SDC2: variants seen among roughly 807,000 people sequenced by gnomAD.
SDC2 encodes the protein syndecan-2.
Under a neutral mutation model 22.2 loss-of-function variants are expected in SDC2, and 13 were observed. The ratio of observed to expected loss-of-function variants is 0.59; its 90% CI spans 0.38 to 0.93. The LOEUF is 0.93. Among genes scored for constraint, SDC2 ranks in the 40% least tolerant of loss-of-function variants. SDC2 has a pLI of 0.00. For synonymous variants in SDC2, 94 were observed against 92.8 expected, an observed-to-expected ratio of 1.01 and a Z score of -0.07; for missense variants, 235 against 246.8, an observed-to-expected ratio of 0.95 and a Z score of 0.32.
At chr8:96,508,006 A>G (rs372157630) in intron 1 of SDC2, among the ~76,000 whole-genome samples, 2 of 150,742 alleles carry the variant, frequency 1.3e-5, no homozygotes, top group East Asian at 3.9e-4. Flanking sequence ...TACTAAAAAT[A>G]CAAAAATAGG....
chr8:96,544,338 G>A (rs902988160), intron 1 of SDC2, among the ~76,000 whole-genome samples: 5 of 152,096 alleles, frequency 3.3e-5, no homozygotes, highest in Non-Finnish European at 5.9e-5. Context: ...CTCAGTTGCC[G>A]TCTCAGTACA....
chr8:96,527,445 C>T lies in SDC2; in HGVS notation c.60+33114C>T, dbSNP rs888456845. Among the ~76,000 whole-genome samples the T allele has an allele frequency of 2.8e-4, 42 of 152,160 alleles. 1 individual carries two copies. Among genetic ancestry groups the T allele is most frequent in the Admixed American group, 1.0e-3 (16 of 15,284 alleles). ...CTTGCACAGTTCTCTCTCTCTCTGCCCCTAAAACAGAAATATGATCATGTT... is the reference window on the plus strand; with the variant it reads ...CTTGCACAGTTCTCTCTCTCTCTGCTCCTAAAACAGAAATATGATCATGTT... On this transcript the variant is annotated intron_variant, in intron 1 of 4. Transcript: ENST00000302190.
At chr8:96,536,689 A>G (rs1813760590) in intron 1 of SDC2, among the ~76,000 whole-genome samples, 1 of 152,226 alleles carries the variant, frequency 6.6e-6, no homozygotes, top group Non-Finnish European at 1.5e-5. Context: ...ATGTAGCAAC[A>G]GTCAGCAAGG....
At chr8:96,525,917 A>G (rs1220435536) in intron 1 of SDC2, among the ~76,000 whole-genome samples, 1 of 152,108 alleles carries the variant, frequency 6.6e-6, no homozygotes, top group Admixed American at 6.5e-5. Context: ...CTTTCCACAC[A>G]TTGTCAGGGT....
chr8:96,607,517 C>T (rs1157811488), intron 3 of SDC2, among the ~76,000 whole-genome samples: 2 of 152,170 alleles, frequency 1.3e-5, no homozygotes, highest in African/African-American at 2.4e-5. Context: ...TGATCTGATT[C>T]AGCAGTGAAT....
chr8:96,595,500 G>T (rs1277948770), intron 2 of SDC2, among the ~76,000 whole-genome samples: 2 of 146,714 alleles, frequency 1.4e-5, no homozygotes, highest in South Asian at 2.3e-4. Context: ...TTCACTCATG[G>T]CACCTCTTTT....
chr8:96,604,726 T>C (rs988254357), intron 3 of SDC2, among the ~76,000 whole-genome samples: 1 of 152,316 alleles, frequency 6.6e-6, no homozygotes, highest in Non-Finnish European at 1.5e-5. Flanking sequence ...GCATCACTCA[T>C]AAGCTTTTAC....
intron 1 of SDC2, among the ~76,000 whole-genome samples, chr8:96,497,145 C>T (rs574718028): frequency 6.6e-6 from 1 of 150,440 alleles, no homozygotes; most frequent in African/African-American, 2.4e-5. Flanking sequence ...AAGAAACTGT[C>T]AAGTCATTTG....
intron 1 of SDC2, among the ~76,000 whole-genome samples, chr8:96,534,045 G>A (rs1197574800): frequency 6.6e-6 from 1 of 152,206 alleles, no homozygotes; most frequent in East Asian, 1.9e-4. Flanking sequence ...CGCTGCTGCT[G>A]GCCCGGGTGT....
rs1813002561 is a variant in SDC2, at chr8:96,493,924, CTG to C, written c.-347_-346del. The C allele has an allele frequency of 3.2e-6, 1 of 313,044 alleles. No homozygotes were observed. Among genetic ancestry groups the C allele is most frequent in the South Asian group, 6.2e-5 (1 of 16,218 alleles). The allele number at this position is 313,044 out of a possible 1,614,324, so 19.4% of individuals were successfully genotyped here. ...CGAATTTATTCCTTAAAACCAGAAA[CTG>C]AACCTCGGCACGGGAAAGGAGTCCG... is the stretch of plus-strand genomic sequence containing the variant. On this transcript the variant is annotated 5_prime_UTR_variant, in exon 1 of 5. Transcript: ENST00000302190.
intron 1 of SDC2, among the ~76,000 whole-genome samples, chr8:96,585,668 C>G (rs1359946361): frequency 6.6e-6 from 1 of 152,132 alleles, no homozygotes; most frequent in Non-Finnish European, 1.5e-5. Flanking sequence ...ATTTACCCAA[C>G]AAACCACTTA....
At chr8:96,577,014 G>A (rs1361191423) in intron 1 of SDC2, among the ~76,000 whole-genome samples, 2 of 152,184 alleles carry the variant, frequency 1.3e-5, no homozygotes, top group Non-Finnish European at 2.9e-5. Flanking sequence ...TGGAACGGTG[G>A]TGCAACTCAT....
At chr8:96,520,553 T>G (rs1474447611) in intron 1 of SDC2, among the ~76,000 whole-genome samples, 1 of 152,186 alleles carries the variant, frequency 6.6e-6, no homozygotes, top group African/African-American at 2.4e-5. Context: ...ACAGGGTGTG[T>G]GCTTATGTTT....
rs1481198542 is a variant in SDC2 at position 96,576,368 on chromosome 8, G to GTTTTTTT, written c.61-17107_61-17106insTTTTTTT. ...ACATAAGTTCAATAATTGGTAGTTT[G>GTTTTTTT]TTTTTGTTTTGTTTTGTTTTTTTTT... On this transcript the variant is annotated intron_variant, in intron 1 of 4. Coordinates refer to ENST00000302190, the MANE Select transcript of SDC2 (RefSeq NM_002998.4). 3.9e-3 allele frequency among the ~76,000 whole-genome samples: 64 copies of GTTTTTTT among 16,588 alleles called. 4 individuals are homozygous for GTTTTTTT. The highest frequency in any genetic ancestry group is 5.2e-3 in the Non-Finnish European group (18 of 3,458). The allele number at this position is 16,588 out of a possible 152,430, so 10.9% of individuals were successfully genotyped here. A position where few individuals can be genotyped will look rare whatever the true frequency, so the allele number is the denominator to read the frequency against.
chr8:96,548,821 C>T (rs1000589033), intron 1 of SDC2, among the ~76,000 whole-genome samples: 5 of 152,252 alleles, frequency 3.3e-5, no homozygotes, highest in African/African-American at 9.6e-5. Flanking sequence ...GAATTTGCAG[C>T]ATTGAGGGTC....
chr8:96,502,770 A>C (rs918787992), intron 1 of SDC2, among the ~76,000 whole-genome samples: 4 of 152,188 alleles, frequency 2.6e-5, no homozygotes, highest in Non-Finnish European at 5.9e-5. Flanking sequence ...CATCTGTAAA[A>C]CTGAATATCC....
intron 1 of SDC2, among the ~76,000 whole-genome samples, chr8:96,513,934 G>A (rs1813365214): frequency 6.6e-6 from 1 of 152,162 alleles, no homozygotes; most frequent in African/African-American, 2.4e-5. Flanking sequence ...GAGAGTCGCT[G>A]ACCTTTATAG....
intron 1 of SDC2, among the ~76,000 whole-genome samples, chr8:96,556,490 C>T (rs1328046508): frequency 3.3e-5 from 5 of 152,038 alleles, no homozygotes; most frequent in Non-Finnish European, 7.4e-5. Context: ...ACTATCTGAT[C>T]TTTGACAAAC....
chr8:96,602,397 G>C lies in SDC2; in HGVS notation c.175G>C (p.Ala59Pro). ...TTCATCTTCACTTACTTTTCCAGGA[G>C]CTGATGAGGATGTAGAGAGTCCAGA... Reference protein sequence around the residue: ...DDYASASGSGADEDVESPELT... With the variant: ...DDYASASGSGPDEDVESPELT... The change falls in exon 3 of 5, where the codon GCT becomes CCT. Residue 59 changes from alanine to proline, a missense_variant and splice_region_variant. Coordinates refer to ENST00000302190, the MANE Select transcript of SDC2 (RefSeq NM_002998.4). The C allele has an allele frequency of 6.2e-7, 1 of 1,613,550 alleles. No homozygotes were observed. The highest frequency in any genetic ancestry group is 2.2e-5 in the East Asian group (1 of 44,862).
Sources: gnomAD v4.1 joint callset for allele counts (sites outside exome capture counted in the v4.1 genomes callset) on GRCh38, gnomAD v4.1.1 for gene constraint, MANE v1.5 for transcripts, NCBI Gene and HGNC (gene_info 2026-07-23, HGNC 2026-07-21) for gene names.